Variants in DNAH14 observed in about 807,000 individuals in gnomAD.
DNAH14 encodes the protein axonemal beta dynein heavy chain 14.
DNAH14 carries 478 observed loss-of-function variants against 520.9 expected under a neutral mutation model. The ratio of observed to expected loss-of-function variants is 0.92; its 90% CI spans 0.85 to 0.99. The LOEUF (loss-of-function observed/expected upper bound fraction) is 0.99, where lower values mean the gene tolerates loss of function less well. DNAH14 is among the 50% of genes least tolerant of loss of function. The pLI is 0.00. For missense variants in DNAH14, 4,831 were observed against 5,234.5 expected, an observed-to-expected ratio of 0.92 and a Z score of 2.38; for synonymous variants, 1,581 against 1,757.2, an observed-to-expected ratio of 0.90 and a Z score of 2.51.
chr1:225,306,068 A>G (rs879355098), intron 58 of DNAH14, among the ~76,000 whole-genome samples: 3 of 152,234 alleles, frequency 2.0e-5, no homozygotes, highest in African/African-American at 2.4e-5. Context: ...CAGGAAGTCC[A>G]GGGCAATGTG....
intron 23 of DNAH14, among the ~76,000 whole-genome samples, chr1:225,103,146 A>T (rs2148749348): frequency 6.6e-6 from 1 of 152,312 alleles, no homozygotes; most frequent in Admixed American, 6.5e-5. Context: ...TTAAATAGGG[A>T]ATACTTTCCA....
chr1:225,117,134 C>G (rs1385200644), intron 23 of DNAH14, among the ~76,000 whole-genome samples: 1 of 151,926 alleles, frequency 6.6e-6, no homozygotes, highest in African/African-American at 2.4e-5. Context: ...ATCTCTTCCT[C>G]TGAAAAGAAG....
At position 225,082,612 on chromosome 1, in the gene DNAH14, T is replaced by G. The variant is rs1385816073; in HGVS notation, c.3200T>G (p.Leu1067Arg). The change falls in exon 20 of 86, where the codon CTG becomes CGG. Residue 1067 changes from leucine to arginine, a missense_variant. Transcript: ENST00000682510. ...GTGGTAACAGAGTTTAAACAAGAGC[T>G]GCCTATCATTATAGCTCTGGGAAAT... The part of the protein sequence containing the change: ...KQVVTEFKQE[L>R]PIIIALGNPC... The G allele has an allele frequency of 6.4e-7, 1 of 1,551,688 alleles. No individual in the cohort carries two copies. Among genetic ancestry groups the G allele is most frequent in the South Asian group, 1.2e-5 (1 of 84,062 alleles).
rs531439963 is a variant in DNAH14, at chr1:225,113,655, C to A, written c.3868-4029C>A. The stretch of plus-strand genomic sequence containing the variant: ...AGTCAGAAACCTTAGAAATATACTT[C>A]TTTATTCTACTACACCTGAGCTGGC... On this transcript the variant is annotated intron_variant, in intron 23 of 85. Transcript: ENST00000682510. 3.9e-5 allele frequency among the ~76,000 whole-genome samples: 6 copies of A among 152,260 alleles called. No individual in the cohort carries two copies. The South Asian group carries it at 1.0e-3, about 26-fold the overall frequency.
intron 4 of DNAH14, among the ~76,000 whole-genome samples, chr1:224,963,549 G>C (rs2060972827): frequency 6.6e-6 from 1 of 151,858 alleles, no homozygotes; most frequent in Non-Finnish European, 1.5e-5. Flanking sequence ...TATTAGATTG[G>C]CTTATATACA....
Position 225,340,586 on chromosome 1 carries a change from T to C in DNAH14, c.10563T>C (p.His3521=). The change falls in exon 69 of 86, where the codon CAT becomes CAC. Residue 3521 remains histidine (H), a synonymous_variant. Coordinates refer to ENST00000682510, the MANE Select transcript of DNAH14 (RefSeq NM_001367479.1). ...AACTCTTGTCTACTGTGGTAACTCA[T>C]GAAGTTCCTCATTTAGAAGATCAAC... The part of the protein sequence containing the change: ...QDQLLSTVVT[H]EVPHLEDQRS... 6.4e-7 allele frequency: 1 copy of C among 1,551,470 alleles called. No individual in the cohort carries two copies. Among genetic ancestry groups the C allele is most frequent in the Non-Finnish European group, 8.7e-7 (1 of 1,146,866 alleles).
chr1:224,970,772 A>G (rs1248359752), intron 7 of DNAH14, among the ~76,000 whole-genome samples: 3 of 152,108 alleles, frequency 2.0e-5, no homozygotes, highest in Non-Finnish European at 4.4e-5. Flanking sequence ...GTACATATAA[A>G]TGGACTTGTG....
intron 43 of DNAH14, among the ~76,000 whole-genome samples, chr1:225,249,732 C>T (rs569354547): frequency 3.3e-5 from 5 of 152,288 alleles, no homozygotes; most frequent in South Asian, 2.1e-4. Context: ...TTATGATCTC[C>T]GTTCCCATTT....
chr1:225,126,920 T>C (rs1194009843), intron 27 of DNAH14, among the ~76,000 whole-genome samples: 2 of 151,644 alleles, frequency 1.3e-5, no homozygotes, highest in Admixed American at 6.6e-5. Flanking sequence ...TTAGTTCTCG[T>C]TGGTTTCAAA....
chr1:224,970,262 G>A (rs547538403), intron 7 of DNAH14, among the ~76,000 whole-genome samples: 1 of 152,182 alleles, frequency 6.6e-6, no homozygotes, highest in Non-Finnish European at 1.5e-5. Flanking sequence ...TTATTAGGAC[G>A]AGGAAATTCC....
rs77555836 is a variant in DNAH14, at chr1:225,302,263, G to A, written c.8632-893G>A. ...ATCTAGGTAGAAGTTTTGGGAATGC[G>A]TAAAACAAAGATAGATATTTTCATT... On this transcript the variant is annotated intron_variant, in intron 56 of 85. Transcript: ENST00000682510. 7.9e-3 allele frequency among the ~76,000 whole-genome samples: 1,203 copies of A among 151,624 alleles called. 12 individuals are homozygous for A. Among genetic ancestry groups the A allele is most frequent in the African/African-American group, 0.027 (1,122 of 41,370 alleles).
At chr1:225,148,900 T>C (rs2080216302) in intron 31 of DNAH14, among the ~76,000 whole-genome samples, 1 of 152,204 alleles carries the variant, frequency 6.6e-6, no homozygotes, top group South Asian at 2.1e-4. Flanking sequence ...GGGTTGTCTG[T>C]TTACTCTGTT....
intron 1 of DNAH14, among the ~76,000 whole-genome samples, chr1:224,948,426 C>T (rs1196066011): frequency 1.3e-5 from 2 of 151,624 alleles, no homozygotes; most frequent in African/African-American, 4.8e-5. Context: ...CCTGGTATAT[C>T]TCTTTCCTGT....
At chr1:224,997,430 TTTTTTTTGTTTG>T (rs1220433206) in intron 8 of DNAH14, among the ~76,000 whole-genome samples, 3 of 149,718 alleles carry the variant, frequency 2.0e-5, no homozygotes, top group African/African-American at 7.5e-5. Flanking sequence ...AAAGGCAGGT[TTTTTTTTGTTTG>T]TTTGTTTGTT....
chr1:225,160,509 GA>G (rs1277346025), intron 35 of DNAH14, among the ~76,000 whole-genome samples: 1 of 152,074 alleles, frequency 6.6e-6, no homozygotes, highest in African/African-American at 2.4e-5. Flanking sequence ...AATCTCCCTT[GA>G]AAACCATCTG....
intron 22 of DNAH14, among the ~76,000 whole-genome samples, chr1:225,100,172 C>A (rs928656799): frequency 3.6e-4 from 55 of 152,000 alleles, no homozygotes; most frequent in African/African-American, 1.3e-3. Context: ...AATTTATACA[C>A]CAAGGCTGAC....
chr1:225,066,025 C>T (rs1015079574), intron 17 of DNAH14, among the ~76,000 whole-genome samples: 3 of 151,984 alleles, frequency 2.0e-5, no homozygotes, highest in Non-Finnish European at 2.9e-5. Flanking sequence ...GCCACATGTA[C>T]TTTCATCATT....
intron 42 of DNAH14, among the ~76,000 whole-genome samples, chr1:225,239,134 C>T (rs140328338): frequency 3.9e-4 from 59 of 152,240 alleles, no homozygotes; most frequent in Middle Eastern, 3.4e-3. Flanking sequence ...GCCCAGAGAA[C>T]GATGCTGTTT....
intron 55 of DNAH14, among the ~76,000 whole-genome samples, chr1:225,293,039 G>A (rs2150015506): frequency 6.6e-6 from 1 of 152,230 alleles, no homozygotes; most frequent in South Asian, 2.1e-4. Flanking sequence ...TTCAAAAGAA[G>A]ACATACATGT....
Sources: allele counts gnomAD v4.1 joint callset (sites outside exome capture counted in the v4.1 genomes callset), GRCh38; gene constraint gnomAD v4.1.1; transcripts MANE v1.5; gene names NCBI Gene and HGNC (gene_info 2026-07-23, HGNC 2026-07-21).